SDC1: variants seen among roughly 807,000 people sequenced by gnomAD.
The protein encoded by SDC1 is syndecan 1, also known as syndecan-1.
In SDC1, 14 loss-of-function variants were observed where a neutral mutation model predicts 29.7. The ratio of observed to expected loss-of-function variants is 0.47; its 90% CI spans 0.31 to 0.74. The LOEUF (loss-of-function observed/expected upper bound fraction) is 0.74. Among genes scored for constraint, SDC1 ranks in the 30% least tolerant of loss-of-function variants. SDC1 has a pLI of 0.05. For missense variants in SDC1, 406 were observed against 400.3 expected (o/e 1.01, Z -0.12); for synonymous variants, 204 against 175.5 (o/e 1.16, Z -1.29).
At chr2:20,203,368 C>T (rs1677111370) in intron 3 of SDC1, 146 bp from the exon 4 acceptor site, 1 of 920,946 alleles carries the variant, frequency 1.1e-6, no homozygotes, top group Non-Finnish European at 1.6e-6. Context: ...TCGCACAGGG[C>T]CCGAAAGCCA....
At position 20,202,745 on chromosome 2, in the gene SDC1, AG is replaced by A. The variant is rs1677064627; in HGVS notation, c.*20del. The A allele has an allele frequency of 6.4e-7, 1 of 1,573,884 alleles. No individual in the cohort carries two copies. The highest frequency in any genetic ancestry group is 1.4e-5 in the African/African-American group (1 of 73,924). ...GGGGGCCTAGTGAGTGGCAGGGCGG[AG>A]GGGGCGCATGGCTCCCGCGTCAGGC... On this transcript the variant is annotated 3_prime_UTR_variant, in exon 5 of 5. Coordinates refer to ENST00000254351, the MANE Select transcript of SDC1 (RefSeq NM_002997.5).
Position 20,224,096 on chromosome 2 carries a change from C to T in SDC1, c.66+706G>A. 2.7e-6 allele frequency: 1 copy of T among 373,274 alleles called. No individual in the cohort carries two copies. 23.1% of individuals were successfully genotyped at this position (373,274 alleles called of 1,614,324 possible). On this transcript the variant is annotated intron_variant, in intron 1 of 4. Coordinates refer to ENST00000254351, the MANE Select transcript of SDC1 (RefSeq NM_002997.5). This position sits in a 1 kb window ranked among gnomAD's most constrained non-coding sequence, Gnocchi z 4.9. ...GGGAACGCGCCCTCCGGGGCCAGCT[C>T]AACTTCAGCAGCCCAGAAGTTGGGC...
intron 1 of SDC1, among the ~76,000 whole-genome samples, chr2:20,222,032 T>C (rs999543278): frequency 6.6e-6 from 1 of 151,934 alleles, no homozygotes; most frequent in African/African-American, 2.4e-5. Context: ...AAATAGCAAA[T>C]AACTATTCCA....
chr2:20,216,302 C>T (rs1303573754), intron 1 of SDC1, among the ~76,000 whole-genome samples: 2 of 152,170 alleles, frequency 1.3e-5, no homozygotes, highest in Non-Finnish European at 2.9e-5. Flanking sequence ...CAGCCTGGCC[C>T]TCAGCCCCGC....
At position 20,224,167 on chromosome 2, in the gene SDC1, C is replaced by G. The variant is rs1348664285; in HGVS notation, c.66+635G>C. The stretch of plus-strand genomic sequence containing the variant: ...CCGAGGCCAACTTCCCGGAACCTCC[C>G]GCTGCCGGGCCGGCTCAGCTCACCT... On this transcript the variant is annotated intron_variant, in intron 1 of 4. Transcript: ENST00000254351. This position sits in a 1 kb window ranked among gnomAD's most constrained non-coding sequence, Gnocchi z 4.9. 1.4e-5 allele frequency: 6 copies of G among 427,026 alleles called. No individual in the cohort carries two copies. The highest frequency in any genetic ancestry group is 2.5e-5 in the Admixed American group (1 of 40,802). 26.5% of individuals were successfully genotyped at this position (427,026 alleles called of 1,614,324 possible).
intron 1 of SDC1, among the ~76,000 whole-genome samples, chr2:20,221,404 G>C: frequency 6.6e-6 from 1 of 152,144 alleles, no homozygotes; most frequent in East Asian, 1.9e-4. Flanking sequence ...AGCAACCTGG[G>C]GCACCAGGCA....
Position 20,202,096 on chromosome 2 carries a change from T to G in SDC1, c.*670A>C. 1 of 516,434 alleles carries G rather than the reference T, an allele frequency of 1.9e-6. No homozygotes were observed. 32.0% of individuals were successfully genotyped at this position (516,434 alleles called of 1,614,324 possible). A position where few individuals can be genotyped will look rare whatever the true frequency, so the allele number is the denominator to read the frequency against. On this transcript the variant is annotated 3_prime_UTR_variant, in exon 5 of 5. Transcript: ENST00000254351. ...GGCTTCCAGATTTGGTTCTCCTAGT[T>G]TAAAAAAAAAAAAAAAAAGTCTTCT...
In SDC1 at chr2:20,224,652, C is replaced by A. The variant is rs1677933832; in HGVS notation, c.66+150G>T. 1.0e-6 allele frequency: 1 copy of A among 992,742 alleles called. No homozygotes were observed. The highest frequency in any genetic ancestry group is 3.9e-5 in the East Asian group (1 of 25,578). 61.5% of individuals were successfully genotyped at this position (992,742 alleles called of 1,614,324 possible). On this transcript the variant is annotated intron_variant, in intron 1 of 4. Transcript: ENST00000254351. The surrounding 1 kb of genome is among the most constrained non-coding windows in gnomAD (Gnocchi z 4.9). The stretch of plus-strand genomic sequence containing the variant: ...GAAATTGGGGCTGGAGCCCTGGTCT[C>A]GGGGCTCACCGTCCCGGGACCCGCT...
chr2:20,202,695 GC>G lies in SDC1; in HGVS notation c.*70del, dbSNP rs374612149. 982 of 1,446,314 alleles carry G rather than the reference GC, an allele frequency of 6.8e-4. 3 individuals are homozygous for G. In the African/African-American group the frequency reaches 0.013, roughly 19 times the overall value. The allele number at this position is 1,446,314 out of a possible 1,614,324, so 89.6% of individuals were successfully genotyped here. A position where few individuals can be genotyped will look rare whatever the true frequency, so the allele number is the denominator to read the frequency against. On this transcript the variant is annotated 3_prime_UTR_variant, in exon 5 of 5. Transcript: ENST00000254351. Reference sequence around the variant, plus strand: ...CTGGTGGCAGGGGAGGCCAGGGCCTGCAGTTCTTCAAGGAAGAGGCAAGTGG... The same window carrying G: ...CTGGTGGCAGGGGAGGCCAGGGCCTGAGTTCTTCAAGGAAGAGGCAAGTGG...
intron 1 of SDC1, among the ~76,000 whole-genome samples, chr2:20,210,972 C>T (rs1367492033): frequency 6.6e-6 from 1 of 152,136 alleles, no homozygotes; most frequent in Non-Finnish European, 1.5e-5. Flanking sequence ...GTCAGATCTA[C>T]ACATACAAGG....
At chr2:20,212,884 G>A (rs1677514398) in intron 1 of SDC1, among the ~76,000 whole-genome samples, 1 of 152,178 alleles carries the variant, frequency 6.6e-6, no homozygotes, top group South Asian at 2.1e-4. Flanking sequence ...CCAGGGCAGG[G>A]CCAGGGTGGA....
chr2:20,210,013 C>G (rs1236520612), intron 1 of SDC1, among the ~76,000 whole-genome samples: 1 of 152,232 alleles, frequency 6.6e-6, no homozygotes, highest in South Asian at 2.1e-4. Context: ...TCACCTGCTG[C>G]TTGAAGTGAG....
chr2:20,208,710 T>C (rs2148286757), intron 1 of SDC1, among the ~76,000 whole-genome samples: 1 of 152,282 alleles, frequency 6.6e-6, no homozygotes, highest in Non-Finnish European at 1.5e-5. Flanking sequence ...ATCTCCAACC[T>C]GGGTGCTTCC....
intron 1 of SDC1, 51 bp from the exon 2 acceptor site, chr2:20,205,475 C>T: frequency 6.7e-7 from 1 of 1,493,692 alleles, no homozygotes; most frequent in Non-Finnish European, 9.3e-7. Flanking sequence ...CGGGTCTCTG[C>T]TGCTCCTGGG....
chr2:20,205,166 C>T (rs1242909521), intron 2 of SDC1, among the ~76,000 whole-genome samples, 177 bp downstream of exon 2: 3 of 152,232 alleles, frequency 2.0e-5, no homozygotes. Context: ...CTTAACCAGG[C>T]AGCTCACGGA....
chr2:20,210,433 C>T, intron 1 of SDC1, among the ~76,000 whole-genome samples: 1 of 152,198 alleles, frequency 6.6e-6, no homozygotes, highest in Middle Eastern at 3.2e-3. Context: ...GGCTGAAGTA[C>T]AGAGGGCTTC....
At chr2:20,207,978 T>G (rs1677334081) in intron 1 of SDC1, 1 of 985,312 alleles carries the variant, frequency 1.0e-6, no homozygotes, top group Admixed American at 6.1e-5. Flanking sequence ...CCTCTCCTGC[T>G]GCACCGCCTC....
At chr2:20,206,324 T>TACACATCTCTCCAGTTC (rs946695485) in intron 1 of SDC1, among the ~76,000 whole-genome samples, 1 of 152,050 alleles carries the variant, frequency 6.6e-6, no homozygotes, top group Non-Finnish European at 1.5e-5. Context: ...GGCAAACATA[T>TACACATCTCTCCAGTTC]ACACATCTCT....
chr2:20,203,957 G>A lies in SDC1; in HGVS notation c.483C>T (p.His161=). ...GTCCTGCAGGGGTTGAGGTCTCATG[G>A]TGGCCAGGCTGCATGTCCCTGTGGG... The part of the protein sequence containing the change: ...SHPHRDMQPG[H]HETSTPAGPS... The change falls in exon 3 of 5, where the codon CAC becomes CAT. Residue 161 remains histidine, a synonymous_variant. Transcript: ENST00000254351. 2 of 1,614,056 alleles carry A rather than the reference G, an allele frequency of 1.2e-6. No individual in the cohort carries two copies. Among genetic ancestry groups the A allele is most frequent in the Non-Finnish European group, 1.7e-6 (2 of 1,180,008 alleles).
Sources: gnomAD v4.1 joint callset for allele counts (sites outside exome capture counted in the v4.1 genomes callset) on GRCh38, gnomAD v4.1.1 for gene constraint, Gnocchi (gnomAD v3.1) non-coding constraint, MANE v1.5 for transcripts, NCBI Gene and HGNC (gene_info 2026-07-23, HGNC 2026-07-21) for gene names.